Variants in PACS2 observed in about 807,000 individuals in gnomAD.
PACS2 encodes the protein phosphofurin acidic cluster sorting protein 2, also known as PACS1-like protein.
A neutral mutation model predicts 113.0 loss-of-function variants in PACS2; 36 were observed. The observed-to-expected ratio is 0.32, with a 90% CI of 0.24 to 0.42. PACS2 has a LOEUF of 0.42. Ranked by LOEUF, PACS2 falls within the 10% of genes least tolerant of loss-of-function variation. The pLI is 1.00. For missense variants in PACS2, 1,015 were observed against 1,239.5 expected (o/e 0.82, Z 2.72); for synonymous variants, 589 against 536.1 (o/e 1.10, Z -1.36).
intron 1 of PACS2, among the ~76,000 whole-genome samples, chr14:105,342,012 AC>A (rs2059744953): frequency 6.6e-6 from 1 of 152,076 alleles, no homozygotes; most frequent in Admixed American, 6.6e-5. Context: ...CACTGGACTC[AC>A]CCCCAGCCCC....
rs782635207 is a variant in PACS2 at position 105,348,598 on chromosome 14, C to A, written c.207+18C>A. The A allele has an allele frequency of 6.3e-7, 1 of 1,577,748 alleles. No individual in the cohort carries two copies. The highest frequency in any genetic ancestry group is 1.1e-5 in the South Asian group (1 of 90,412). ...AGATGCAGGTGAGGCCGCTTGTGAC[C>A]CCGGCTGTGGCTGGGTGCTGTGTAG... On this transcript the variant is annotated intron_variant, in intron 2 of 24. Transcript: ENST00000447393. The surrounding 1 kb of genome is among the most constrained non-coding windows in gnomAD (Gnocchi z 6.4).
In PACS2 at chr14:105,355,282, G is replaced by C. The variant is rs1555405147; in HGVS notation, c.423+105G>C. 14 of 1,353,548 alleles carry C rather than the reference G, an allele frequency of 1.0e-5. No individual in the cohort carries two copies. Among genetic ancestry groups the C allele is most frequent in the African/African-American group, 1.5e-5 (1 of 68,500 alleles). The allele number at this position is 1,353,548 out of a possible 1,614,324, so 83.8% of individuals were successfully genotyped here. The stretch of plus-strand genomic sequence containing the variant: ...TCTCTCCCGGGTCCAGATGTCCAGG[G>C]ATCAGGTGAAAATGATGAGAGGAGC... On this transcript the variant is annotated intron_variant, in intron 4 of 24. Coordinates refer to ENST00000447393, the MANE Select transcript of PACS2 (RefSeq NM_001100913.3). This position sits in a 1 kb window ranked among gnomAD's most constrained non-coding sequence, Gnocchi z 4.1.
At chr14:105,394,165 G>C in intron 24 of PACS2, 5 of 984,790 alleles carry the variant, frequency 5.1e-6, no homozygotes, top group Non-Finnish European at 6.0e-6. Flanking sequence ...ACGTGGCCCT[G>C]TCTCCCCACA....
chr14:105,308,170 G>C (rs898238798), intron 1 of PACS2, among the ~76,000 whole-genome samples: 5 of 151,350 alleles, frequency 3.3e-5, no homozygotes, highest in Non-Finnish European at 7.4e-5. Flanking sequence ...ACCATAGAGT[G>C]AGACTCTGTC....
Position 105,367,164 on chromosome 14 carries a change from G to T in PACS2, c.424-49G>T, listed in dbSNP as rs369879837. On this transcript the variant is annotated intron_variant, in intron 4 of 24. Coordinates refer to ENST00000447393, the MANE Select transcript of PACS2 (RefSeq NM_001100913.3). ...CCCAGCCCACACATCAGGGCACCGG[G>T]GCTCCTTCCCGTCGTGCTGCTTTCT... is the stretch of plus-strand genomic sequence containing the variant. The T allele has an allele frequency of 8.3e-5, 131 of 1,573,272 alleles. No individual in the cohort carries two copies. In the Middle Eastern group the frequency reaches 3.2e-3, roughly 38 times the overall value.
Position 105,393,344 on chromosome 14 carries a change from C to T in PACS2, c.2596+9C>T. The T allele has an allele frequency of 1.3e-6, 2 of 1,594,024 alleles. No individual in the cohort carries two copies. The highest frequency in any genetic ancestry group is 1.7e-6 in the Non-Finnish European group (2 of 1,166,850). ...GCAGAACATGCTGCGGGGTGAGCAC[C>T]ACCGGCCCCGGGGTCTGTAGAGTGG... is the stretch of plus-strand genomic sequence containing the variant. On this transcript the variant is annotated intron_variant, in intron 24 of 24. Transcript: ENST00000447393.
In PACS2 at chr14:105,357,663, G is replaced by C. The variant is rs782663602; in HGVS notation, c.423+2486G>C. 6.6e-6 allele frequency among the ~76,000 whole-genome samples: 1 copy of C among 152,206 alleles called. No homozygotes were observed. Among genetic ancestry groups the C allele is most frequent in the South Asian group, 2.1e-4 (1 of 4,838 alleles). ...TGAGAGTATGAGCACGGGAGATTGC[G>C]GAGGCGGGACAGCCCCGAGGGCACA... is the stretch of plus-strand genomic sequence containing the variant. On this transcript the variant is annotated intron_variant, in intron 4 of 24. Coordinates refer to ENST00000447393, the MANE Select transcript of PACS2 (RefSeq NM_001100913.3). This position sits in a 1 kb window ranked among gnomAD's most constrained non-coding sequence, Gnocchi z 5.1.
Position 105,348,826 on chromosome 14 carries a change from C to A in PACS2, c.207+246C>A. ...TCACATGCATGGGGCCTTCCCAGGG[C>A]AGAGCTGCCCTCGAGTCACCTCACA... On this transcript the variant is annotated intron_variant, in intron 2 of 24. Transcript: ENST00000447393. This position sits in a 1 kb window ranked among gnomAD's most constrained non-coding sequence, Gnocchi z 6.4. The A allele has an allele frequency of 2.1e-6, 1 of 469,468 alleles. No individual in the cohort carries two copies. Among genetic ancestry groups the A allele is most frequent in the East Asian group, 4.1e-5 (1 of 24,490 alleles). 29.1% of individuals were successfully genotyped at this position (469,468 alleles called of 1,614,324 possible).
intron 4 of PACS2, among the ~76,000 whole-genome samples, chr14:105,363,023 T>TC (rs1566941977): frequency 3.9e-5 from 6 of 152,222 alleles, no homozygotes; most frequent in African/African-American, 1.4e-4. Flanking sequence ...ACCTTTTTTT[T>TC]CCCAAGCAAT....
intron 4 of PACS2, among the ~76,000 whole-genome samples, chr14:105,362,079 A>G (rs912825450): frequency 6.8e-6 from 1 of 146,590 alleles, no homozygotes; most frequent in Admixed American, 6.8e-5. Context: ...GCGAGATCGC[A>G]CCATTGCACT....
At chr14:105,319,881 G>A (rs2058823480) in intron 1 of PACS2, among the ~76,000 whole-genome samples, 1 of 152,232 alleles carries the variant, frequency 6.6e-6, no homozygotes, top group Non-Finnish European at 1.5e-5. Flanking sequence ...AAATCATTAT[G>A]AGTGGATGTT....
chr14:105,307,606 G>A (rs965683295), intron 1 of PACS2, among the ~76,000 whole-genome samples: 1 of 152,114 alleles, frequency 6.6e-6, no homozygotes, highest in Non-Finnish European at 1.5e-5. Flanking sequence ...CAATAGCCCT[G>A]TCCCCCCATG....
chr14:105,331,902 T>A (rs2059317118), intron 1 of PACS2, among the ~76,000 whole-genome samples: 1 of 152,180 alleles, frequency 6.6e-6, no homozygotes, highest in Non-Finnish European at 1.5e-5. Flanking sequence ...GATCACAGAG[T>A]TCTTCTAGGT....
In PACS2 at chr14:105,358,133, C is replaced by T. The variant is rs1423498008; in HGVS notation, c.423+2956C>T. Among the ~76,000 whole-genome samples the T allele has an allele frequency of 6.6e-6, 1 of 152,198 alleles. No homozygotes were observed. Among genetic ancestry groups the T allele is most frequent in the Non-Finnish European group, 1.5e-5 (1 of 68,026 alleles). ...ACCATAGCTCTGCCCTCACCTGGCACTCATTCTGTGTGAGCTGAGGCCCAG... is the reference window on the plus strand; with the variant it reads ...ACCATAGCTCTGCCCTCACCTGGCATTCATTCTGTGTGAGCTGAGGCCCAG... On this transcript the variant is annotated intron_variant, in intron 4 of 24. Transcript: ENST00000447393. The surrounding 1 kb of genome is among the most constrained non-coding windows in gnomAD (Gnocchi z 4.9).
chr14:105,302,243 G>A (rs1259501179), intron 1 of PACS2, among the ~76,000 whole-genome samples: 2 of 130,320 alleles, frequency 1.5e-5, no homozygotes, highest in Admixed American at 8.6e-5. Flanking sequence ...CTGCTCTGTT[G>A]CCCAGGCTGG....
intron 21 of PACS2, 119 bp from the exon 22 acceptor site, chr14:105,391,512 T>TGGCCCCCCCCCCCCCCCCCCCC: frequency 4.9e-6 from 3 of 611,322 alleles, no homozygotes; most frequent in Non-Finnish European, 8.7e-6. Flanking sequence ...CACTGGGGAC[T>TGGCCCCCCCCCCCCCCCCCCCC]CCCACCCTGC....
At chr14:105,332,973 C>T (rs920568907) in intron 1 of PACS2, among the ~76,000 whole-genome samples, 9 of 152,188 alleles carry the variant, frequency 5.9e-5, no homozygotes, top group African/African-American at 2.2e-4. Flanking sequence ...TGCTCTGCCC[C>T]CTCCCCAGGC....
At chr14:105,301,040 A>C (rs1332241497) in intron 1 of PACS2, 1 of 151,466 alleles carries the variant, frequency 6.6e-6, no homozygotes, top group Non-Finnish European at 1.5e-5. Context: ...GCAGCCCGGG[A>C]CTGGAGTTTG....
chr14:105,302,431 G>C (rs991135259), intron 1 of PACS2, among the ~76,000 whole-genome samples: 1 of 151,854 alleles, frequency 6.6e-6, no homozygotes. Flanking sequence ...TTGAACTCCC[G>C]ACCTCAGGTG....
Sources: allele counts gnomAD v4.1 joint callset (sites outside exome capture counted in the v4.1 genomes callset), GRCh38; gene constraint gnomAD v4.1.1; non-coding constraint Gnocchi (gnomAD v3.1); transcripts MANE v1.5; gene names NCBI Gene and HGNC (gene_info 2026-07-23, HGNC 2026-07-21).